PTPRM: variants seen among roughly 807,000 people sequenced by gnomAD.
PTPRM encodes the protein protein tyrosine phosphatase receptor type M.
PTPRM carries 47 observed loss-of-function variants against 186.7 expected under a neutral mutation model. That is an observed-to-expected ratio of 0.25 (90% CI 0.20 to 0.32). The LOEUF (loss-of-function observed/expected upper bound fraction) is 0.32, where lower values mean the gene tolerates loss of function less well. Among genes scored for constraint, PTPRM ranks in the 10% least tolerant of loss-of-function variants. PTPRM has a pLI of 1.00. For synonymous variants in PTPRM, 668 were observed against 674.9 expected (o/e 0.99, Z 0.16); for missense variants, 1,494 against 1,865.0 (o/e 0.80, Z 3.66).
intron 1 of PTPRM, among the ~76,000 whole-genome samples, chr18:7,578,259 G>T (rs978065274): frequency 1.3e-5 from 2 of 152,020 alleles, no homozygotes; most frequent in African/African-American, 4.8e-5. Context: ...GAACTCCTGG[G>T]CTCGAGCGAT....
At chr18:7,635,574 T>A (rs1001078449) in intron 1 of PTPRM, among the ~76,000 whole-genome samples, 7 of 152,216 alleles carry the variant, frequency 4.6e-5, no homozygotes, top group Non-Finnish European at 1.0e-4. Context: ...TTTAATATTG[T>A]AGATAATTTT....
chr18:8,185,703 T>C (rs12963432), intron 14 of PTPRM, among the ~76,000 whole-genome samples: 63,749 of 152,112 alleles, frequency 0.42, 14,316 homozygotes, highest in Non-Finnish European at 0.52. Flanking sequence ...TAAAAACATA[T>C]GTTCCTTTTG....
chr18:8,297,070 G>A (rs905141077), intron 20 of PTPRM, among the ~76,000 whole-genome samples: 1 of 152,166 alleles, frequency 6.6e-6, no homozygotes, highest in Non-Finnish European at 1.5e-5. Context: ...ATGTTGCGTA[G>A]CAATGCTGAG....
At chr18:7,824,859 C>T (rs761219687) in intron 2 of PTPRM, among the ~76,000 whole-genome samples, 1 of 152,196 alleles carries the variant, frequency 6.6e-6, no homozygotes, top group African/African-American at 2.4e-5. Context: ...GGGAGGCTCT[C>T]TGGGCAGGCA....
chr18:7,803,213 C>T (rs2044064918), intron 2 of PTPRM, among the ~76,000 whole-genome samples: 1 of 152,098 alleles, frequency 6.6e-6, no homozygotes, highest in South Asian at 2.1e-4. Context: ...ACTAGAAACC[C>T]CCAAATGCAT....
chr18:7,790,199 T>G (rs1016694443), intron 2 of PTPRM, among the ~76,000 whole-genome samples: 2 of 152,194 alleles, frequency 1.3e-5, no homozygotes, highest in African/African-American at 4.8e-5. Flanking sequence ...TAAGAGTTCT[T>G]ACTTACTTTT....
chr18:7,713,432 C>A (rs968107391), intron 1 of PTPRM, among the ~76,000 whole-genome samples: 1 of 152,020 alleles, frequency 6.6e-6, no homozygotes, highest in Admixed American at 6.5e-5. Flanking sequence ...ATTGTAAAGA[C>A]CATCAACACT....
chr18:8,103,930 T>C (rs2145579208), intron 11 of PTPRM, among the ~76,000 whole-genome samples: 1 of 152,316 alleles, frequency 6.6e-6, no homozygotes, highest in Admixed American at 6.5e-5. Flanking sequence ...GGTTATCATT[T>C]GTTCTAATTT....
intron 11 of PTPRM, among the ~76,000 whole-genome samples, chr18:8,093,346 T>C (rs1323892015): frequency 1.3e-5 from 2 of 149,562 alleles, no homozygotes; most frequent in Admixed American, 1.3e-4. Flanking sequence ...CTCAGCACCA[T>C]GTAAGTGTTT....
At chr18:8,098,858 T>C (rs2091141988) in intron 11 of PTPRM, among the ~76,000 whole-genome samples, 3 of 152,106 alleles carry the variant, frequency 2.0e-5, no homozygotes, top group Admixed American at 2.0e-4. Context: ...ATTCACCCTG[T>C]GGCTGCAGGG....
At chr18:7,846,053 A>G (rs1476571812) in intron 2 of PTPRM, among the ~76,000 whole-genome samples, 1 of 152,174 alleles carries the variant, frequency 6.6e-6, no homozygotes, top group East Asian at 1.9e-4. Context: ...TTCATCAGTC[A>G]TTTGATGCGG....
At chr18:8,387,739 TGTGTGTGTGCGTGTGTGC>T (rs2095786320) in intron 31 of PTPRM, among the ~76,000 whole-genome samples, 2 of 128,724 alleles carry the variant, frequency 1.6e-5, no homozygotes, top group Admixed American at 9.2e-5. Context: ...ACCTGGAGTG[TGTGTGTGTGCGTGTGTGC>T]GTGTGTGTGC....
intron 1 of PTPRM, among the ~76,000 whole-genome samples, chr18:7,605,327 A>G (rs2037503693): frequency 6.6e-6 from 1 of 152,182 alleles, no homozygotes; most frequent in South Asian, 2.1e-4. Flanking sequence ...GTGAAGCAGA[A>G]AGGCTGTGCT....
At chr18:7,719,752 G>C (rs1240847386) in intron 1 of PTPRM, among the ~76,000 whole-genome samples, 1 of 152,046 alleles carries the variant, frequency 6.6e-6, no homozygotes, top group Non-Finnish European at 1.5e-5. Flanking sequence ...AATAGCCAAT[G>C]AAATCAAACA....
chr18:7,805,200 A>G (rs1445886481), intron 2 of PTPRM, among the ~76,000 whole-genome samples: 1 of 152,150 alleles, frequency 6.6e-6, no homozygotes, highest in Non-Finnish European at 1.5e-5. Context: ...ACATTTTTCT[A>G]CTTCCATTTC....
At chr18:8,254,651 A>C (rs1276091040) in intron 19 of PTPRM, among the ~76,000 whole-genome samples, 2 of 152,182 alleles carry the variant, frequency 1.3e-5, no homozygotes, top group Non-Finnish European at 2.9e-5. Context: ...GTGAGTTTCC[A>C]ACTCTGTTTC....
At chr18:8,331,407 T>C (rs1271330260) in intron 22 of PTPRM, among the ~76,000 whole-genome samples, 2 of 152,214 alleles carry the variant, frequency 1.3e-5, no homozygotes, top group East Asian at 1.9e-4. Context: ...TATACAACCA[T>C]GTTTTATGTC....
At chr18:7,705,722 T>A (rs367886647) in intron 1 of PTPRM, among the ~76,000 whole-genome samples, 2 of 151,716 alleles carry the variant, frequency 1.3e-5, no homozygotes, top group African/African-American at 4.8e-5. Context: ...CTTTACTTTC[T>A]TTCTTTTTCT....
rs182226315 is a variant in PTPRM at position 7,838,930 on chromosome 18, C to T, written c.197-49176C>T. Among the ~76,000 whole-genome samples the T allele has an allele frequency of 7.0e-3, 1,064 of 152,312 alleles. 10 individuals carry two copies. Among genetic ancestry groups the T allele is most frequent in the Non-Finnish European group, 8.1e-3 (551 of 68,020 alleles). The stretch of plus-strand genomic sequence containing the variant: ...CTCCCCTTTCCAAAGGCAGAGGTGC[C>T]TCATTCCATCGCCACAGCCACCATG... On this transcript the variant is annotated intron_variant, in intron 2 of 32. Coordinates refer to ENST00000580170, the MANE Select transcript of PTPRM (RefSeq NM_001105244.2).
Sources: allele counts gnomAD v4.1 joint callset (sites outside exome capture counted in the v4.1 genomes callset), GRCh38; gene constraint gnomAD v4.1.1; transcripts MANE v1.5; gene names NCBI Gene and HGNC (gene_info 2026-07-23, HGNC 2026-07-21).